PCDHA9: variants seen among roughly 807,000 people sequenced by gnomAD.
The protein encoded by PCDHA9 is protocadherin alpha 9.
A neutral mutation model predicts 62.0 loss-of-function variants in PCDHA9; 62 were observed. That is an observed-to-expected ratio of 1.00 (90% CI 0.81 to 1.23). The LOEUF (loss-of-function observed/expected upper bound fraction) is 1.23, where lower values mean the gene tolerates loss of function less well. Among genes scored for constraint, PCDHA9 ranks in the 50% most tolerant of loss-of-function variants. The pLI, the probability that PCDHA9 is intolerant of heterozygous loss-of-function variation, is 0.00. For missense variants in PCDHA9, 1,205 were observed against 1,249.8 expected (o/e 0.96, Z 0.54); for synonymous variants, 557 against 567.6 (o/e 0.98, Z 0.27).
intron 1 of PCDHA9, among the ~76,000 whole-genome samples, chr5:140,906,179 C>G (rs2072430767): frequency 1.3e-5 from 2 of 152,172 alleles, no homozygotes; most frequent in African/African-American, 4.8e-5. Flanking sequence ...TACTTTGCAT[C>G]CTTCAATCCA....
chr5:140,852,149 G>T (rs940913819), intron 1 of PCDHA9: 1 of 867,026 alleles, frequency 1.2e-6, no homozygotes. Flanking sequence ...AGATCAGAAT[G>T]GCCTTGAGAA....
intron 1 of PCDHA9, among the ~76,000 whole-genome samples, chr5:140,975,438 A>T (rs1436743661): frequency 5.9e-5 from 9 of 152,234 alleles, no homozygotes; most frequent in African/African-American, 1.7e-4. Flanking sequence ...ACACCAGGAT[A>T]TAGGGATCTT....
chr5:141,011,890 A>G lies in PCDHA9; in HGVS notation c.*1953A>G, dbSNP rs7701616. 0.061 allele frequency: 9,307 copies of G among 153,488 alleles called. 355 individuals carry two copies. The highest frequency in any genetic ancestry group is 0.11 in the South Asian group (541 of 4,828). The allele number at this position is 153,488 out of a possible 1,614,324, so 9.5% of individuals were successfully genotyped here. On this transcript the variant is annotated 3_prime_UTR_variant, in exon 4 of 4. Coordinates refer to ENST00000532602, the MANE Select transcript of PCDHA9 (RefSeq NM_031857.2). ...GTACAATTTAGAAGTTTGATTAATT[A>G]TATTATCTATTTAGGCATTAATATA... is the stretch of plus-strand genomic sequence containing the variant.
chr5:140,882,814 A>AGT, intron 1 of PCDHA9: 3 of 1,614,248 alleles, frequency 1.9e-6, no homozygotes, highest in Non-Finnish European at 2.5e-6. Context: ...CTTTGGACGC[A>AGT]CAAAACAGTC....
At chr5:140,994,059 A>G (rs2097593470) in intron 3 of PCDHA9, among the ~76,000 whole-genome samples, 5 of 152,174 alleles carry the variant, frequency 3.3e-5, no homozygotes, top group Admixed American at 3.3e-4. Context: ...GCCCTTATAA[A>G]TCTAATGGTG....
chr5:140,857,750 C>T (rs781977975), intron 1 of PCDHA9: 1 of 1,597,430 alleles, frequency 6.3e-7, no homozygotes, highest in Non-Finnish European at 8.6e-7. Context: ...GCTGGCGTCT[C>T]CCGCTGGCAG....
At chr5:140,858,451 T>C in intron 1 of PCDHA9, 1 of 1,531,552 alleles carries the variant, frequency 6.5e-7, no homozygotes, top group East Asian at 2.4e-5. Context: ...GTTATTACGT[T>C]TTCATTTTCC....
In PCDHA9 at chr5:140,884,360, G is replaced by A. The variant is rs782401694; in HGVS notation, c.2394+33471G>A. On this transcript the variant is annotated intron_variant, in intron 1 of 3. Coordinates refer to ENST00000532602, the MANE Select transcript of PCDHA9 (RefSeq NM_031857.2). ...AGAAGCGGCGCTGGTGGATGTCAAT[G>A]TTTACTTGATCATTGCCATCTGCGC... The A allele has an allele frequency of 3.1e-6, 5 of 1,613,852 alleles. No individual in the cohort carries two copies. The African/African-American group carries it at 4.0e-5, about 13-fold the overall frequency.
chr5:140,884,120 G>C, intron 1 of PCDHA9: 2 of 1,613,324 alleles, frequency 1.2e-6, no homozygotes, highest in South Asian at 2.2e-5. Flanking sequence ...GGCGGTCGGC[G>C]CGCGCATCCC....
intron 1 of PCDHA9, among the ~76,000 whole-genome samples, chr5:140,973,624 A>G (rs2096595807): frequency 6.6e-6 from 1 of 152,204 alleles, no homozygotes; most frequent in African/African-American, 2.4e-5. Flanking sequence ...CTGTTTCTGT[A>G]TCTTGTACAC....
rs782673373 is a variant in PCDHA9 at position 140,858,110 on chromosome 5, G to T, written c.2394+7221G>T. The T allele has an allele frequency of 6.9e-6, 11 of 1,597,760 alleles. No homozygotes were observed. The East Asian group carries it at 2.2e-4, about 32-fold the overall frequency. ...GCGGGCTTCAGTGGGCGTGGCGCCC[G>T]AGGTGGCCCTGGTGGATGTCAACGT... On this transcript the variant is annotated intron_variant, in intron 1 of 3. Coordinates refer to ENST00000532602, the MANE Select transcript of PCDHA9 (RefSeq NM_031857.2).
chr5:140,929,161 C>T lies in PCDHA9; in HGVS notation c.2395-49788C>T. On this transcript the variant is annotated intron_variant, in intron 1 of 3. Transcript: ENST00000532602. ...GAGACTTTCTCAGACTTATCTCTAT[C>T]GGGCCTCTCTGGGACTTGGTTCTGA... 2 of 1,614,136 alleles carry T rather than the reference C, an allele frequency of 1.2e-6. No homozygotes were observed. The highest frequency in any genetic ancestry group is 1.7e-6 in the Non-Finnish European group (2 of 1,180,028).
At chr5:140,884,296 ACAGG>A in intron 1 of PCDHA9, 1 of 1,613,674 alleles carries the variant, frequency 6.2e-7, no homozygotes, top group Non-Finnish European at 8.5e-7. Flanking sequence ...GCCAAGCGCC[ACAGG>A]CTTCGTCGAG....
rs1284021507 is a variant in PCDHA9, at chr5:140,883,838, G to C, written c.2394+32949G>C. The C allele has an allele frequency of 6.2e-7, 1 of 1,612,620 alleles. No individual in the cohort carries two copies. The highest frequency in any genetic ancestry group is 8.5e-7 in the Non-Finnish European group (1 of 1,179,840). On this transcript the variant is annotated intron_variant, in intron 1 of 3. Coordinates refer to ENST00000532602, the MANE Select transcript of PCDHA9 (RefSeq NM_031857.2). ...CAAGGTGTACGCGCTGCAGCCGTTG[G>C]ACCACGAGGAGCTGGAGCTGTTGCA...
chr5:140,855,185 T>C (rs1184210889), intron 1 of PCDHA9, among the ~76,000 whole-genome samples: 3 of 149,814 alleles, frequency 2.0e-5, no homozygotes, highest in African/African-American at 7.3e-5. Flanking sequence ...TGTGGCCAAA[T>C]TGAGGCCTGA....
chr5:140,980,522 A>G (rs1341350940), intron 2 of PCDHA9, among the ~76,000 whole-genome samples: 2 of 152,074 alleles, frequency 1.3e-5, no homozygotes, highest in Non-Finnish European at 2.9e-5. Flanking sequence ...TCCAGCTACT[A>G]GGGAGGCTGA....
At chr5:140,870,502 A>G (rs781840750) in intron 1 of PCDHA9, 15 of 1,614,222 alleles carry the variant, frequency 9.3e-6, no homozygotes, top group Non-Finnish European at 1.2e-5. Context: ...GAAGGAGAAC[A>G]ACCCACCAGG....
intron 1 of PCDHA9, among the ~76,000 whole-genome samples, chr5:140,947,798 A>C (rs1164932467): frequency 7.3e-5 from 11 of 151,710 alleles, no homozygotes; most frequent in African/African-American, 1.9e-4. Context: ...CAGACTTTTA[A>C]TTTGCAGAGA....
At chr5:140,937,836 T>C (rs2091788765) in intron 1 of PCDHA9, among the ~76,000 whole-genome samples, 1 of 150,366 alleles carries the variant, frequency 6.7e-6, no homozygotes, top group Non-Finnish European at 1.5e-5. Flanking sequence ...GGCATGAACC[T>C]GGAAGGCGGA....
Sources: allele counts gnomAD v4.1 joint callset (sites outside exome capture counted in the v4.1 genomes callset), GRCh38; gene constraint gnomAD v4.1.1; transcripts MANE v1.5; gene names NCBI Gene and HGNC (gene_info 2026-07-23, HGNC 2026-07-21).